The following PTPRU variants were observed in gnomAD, a reference collection of about 807,000 sequenced individuals.
PTPRU encodes the protein receptor-type tyrosine-protein phosphatase U.
PTPRU carries 69 observed loss-of-function variants against 166.3 expected under a neutral mutation model. That is an observed-to-expected ratio of 0.41 (90% CI 0.34 to 0.51). PTPRU has a LOEUF of 0.51. PTPRU is among the 20% of genes least tolerant of loss of function. The pLI is 0.09. For synonymous variants in PTPRU, 793 were observed against 814.0 expected (o/e 0.97, Z 0.44); for missense variants, 1,657 against 2,013.7 (o/e 0.82, Z 3.39).
At chr1:29,250,146 C>T (rs1684485631) in intron 1 of PTPRU, among the ~76,000 whole-genome samples, 1 of 152,166 alleles carries the variant, frequency 6.6e-6, no homozygotes, top group Non-Finnish European at 1.5e-5. Flanking sequence ...TACCTGGCCC[C>T]CTCCCCTGGA....
At chr1:29,252,480 C>CTGGT (rs924735110) in intron 1 of PTPRU, among the ~76,000 whole-genome samples, 20 of 152,156 alleles carry the variant, frequency 1.3e-4, no homozygotes, top group African/African-American at 3.9e-4. Context: ...GTTGGCCAGG[C>CTGGT]TGGTCTTGAA....
Position 29,279,353 on chromosome 1 carries a change from C to A in PTPRU, c.1564-103C>A. 1 of 1,340,190 alleles carries A rather than the reference C, an allele frequency of 7.5e-7. No homozygotes were observed. Among genetic ancestry groups the A allele is most frequent in the Non-Finnish European group, 1.1e-6 (1 of 947,858 alleles). 83.0% of individuals were successfully genotyped at this position (1,340,190 alleles called of 1,614,324 possible). Reference sequence around the variant, plus strand: ...TTGATGGCATCCATAGTCTCCTTTGCTTAGCCTTATCTCTCACTTCCCTGG... The same window carrying A: ...TTGATGGCATCCATAGTCTCCTTTGATTAGCCTTATCTCTCACTTCCCTGG... On this transcript the variant is annotated intron_variant, in intron 9 of 29. Transcript: ENST00000373779. This position sits in a 1 kb window ranked among gnomAD's most constrained non-coding sequence, Gnocchi z 5.2.
chr1:29,240,754 C>G (rs981312459), intron 1 of PTPRU, among the ~76,000 whole-genome samples: 1 of 152,074 alleles, frequency 6.6e-6, no homozygotes, highest in Admixed American at 6.6e-5. Context: ...GTTGGTGAGA[C>G]GTTGAGTCTC....
At chr1:29,310,538 G>A (rs1165257703) in intron 18 of PTPRU, among the ~76,000 whole-genome samples, 2 of 152,128 alleles carry the variant, frequency 1.3e-5, no homozygotes, top group African/African-American at 2.4e-5. Context: ...TTAAGCCCAC[G>A]ACTCTGGTGT....
At chr1:29,309,941 T>G (rs1396282478) in intron 18 of PTPRU, among the ~76,000 whole-genome samples, 2 of 152,162 alleles carry the variant, frequency 1.3e-5, no homozygotes, top group African/African-American at 4.8e-5. Flanking sequence ...GCCCTTGGTA[T>G]CTGGTGAATT....
Position 29,236,538 on chromosome 1 carries a change from G to A in PTPRU, c.-107G>A. The A allele has an allele frequency of 6.9e-6, 6 of 871,994 alleles. No homozygotes were observed. Among genetic ancestry groups the A allele is most frequent in the Non-Finnish European group, 8.6e-6 (6 of 694,266 alleles). 54.0% of individuals were successfully genotyped at this position (871,994 alleles called of 1,614,324 possible). ...CTCGGCGCCAGTCCCGCTCCGCGCC[G>A]CGCCGCTCCGCTCCGGCTCGGGCTC... On this transcript the variant is annotated 5_prime_UTR_variant, in exon 1 of 30. Coordinates refer to ENST00000373779, the MANE Select transcript of PTPRU (RefSeq NM_133178.4). The surrounding 1 kb of genome is among the most constrained non-coding windows in gnomAD (Gnocchi z 4.6).
intron 15 of PTPRU, among the ~76,000 whole-genome samples, chr1:29,299,569 T>C (rs1381480856): frequency 1.3e-5 from 2 of 152,330 alleles, no homozygotes; most frequent in East Asian, 3.9e-4. Flanking sequence ...TGGCTCTGGC[T>C]TTCCAGGCGG....
At position 29,282,960 on chromosome 1, in the gene PTPRU, G is replaced by A. The variant is rs750234312; in HGVS notation, c.2142+11G>A. On this transcript the variant is annotated intron_variant, in intron 12 of 29. Coordinates refer to ENST00000373779, the MANE Select transcript of PTPRU (RefSeq NM_133178.4). ...AGCCACCTGAAGGGGGTGAGGGACCGGCCAGGGTCATGGTGGGCGTGGTTG... is the reference window on the plus strand; with the variant it reads ...AGCCACCTGAAGGGGGTGAGGGACCAGCCAGGGTCATGGTGGGCGTGGTTG... 1.3e-5 allele frequency: 21 copies of A among 1,609,804 alleles called. No individual in the cohort carries two copies. Among genetic ancestry groups the A allele is most frequent in the East Asian group, 9.0e-5 (4 of 44,598 alleles).
intron 1 of PTPRU, among the ~76,000 whole-genome samples, chr1:29,243,879 C>T (rs1338586274): frequency 6.6e-6 from 1 of 152,188 alleles, no homozygotes; most frequent in East Asian, 1.9e-4. Flanking sequence ...ATGCCTCCTC[C>T]TCTGGCTCTG....
chr1:29,295,950 C>T (rs1055353088), intron 15 of PTPRU, among the ~76,000 whole-genome samples: 1 of 152,172 alleles, frequency 6.6e-6, no homozygotes, highest in Non-Finnish European at 1.5e-5. Flanking sequence ...CTTGGCCTCT[C>T]GAAGTGCTGA....
In PTPRU at chr1:29,280,788, A is replaced by G. The variant is rs1420301767; in HGVS notation, c.1868+647A>G. ...AGACATAAGTGTGCATGTGTGTGAGAGTGTGAGGGTGTTTGTGCAACTGTG... is the reference window on the plus strand; with the variant it reads ...AGACATAAGTGTGCATGTGTGTGAGGGTGTGAGGGTGTTTGTGCAACTGTG... On this transcript the variant is annotated intron_variant, in intron 11 of 29. Coordinates refer to ENST00000373779, the MANE Select transcript of PTPRU (RefSeq NM_133178.4). The surrounding 1 kb of genome is among the most constrained non-coding windows in gnomAD (Gnocchi z 4.2). 6.6e-6 allele frequency among the ~76,000 whole-genome samples: 1 copy of G among 151,798 alleles called. No homozygotes were observed. Among genetic ancestry groups the G allele is most frequent in the Non-Finnish European group, 1.5e-5 (1 of 67,942 alleles).
chr1:29,261,521 A>G (rs1685065359), intron 7 of PTPRU, among the ~76,000 whole-genome samples: 1 of 152,026 alleles, frequency 6.6e-6, no homozygotes, highest in African/African-American at 2.4e-5. Context: ...TGACTTTAGT[A>G]TTGTTGTTGT....
intron 25 of PTPRU, among the ~76,000 whole-genome samples, chr1:29,319,655 CA>C (rs1688061556): frequency 1.3e-5 from 2 of 152,186 alleles, no homozygotes; most frequent in Non-Finnish European, 2.9e-5. Context: ...GCTGGGGGAC[CA>C]GGGGGGCTCT....
chr1:29,315,392 G>A lies in PTPRU; in HGVS notation c.3248G>A (p.Gly1083Asp). The A allele has an allele frequency of 9.3e-6, 15 of 1,614,228 alleles. No individual in the cohort carries two copies. Among genetic ancestry groups the A allele is most frequent in the Non-Finnish European group, 1.3e-5 (15 of 1,180,046 alleles). The change falls in exon 23 of 30, where the codon GGT (glycine) becomes GAT (aspartate). Residue 1083 changes from glycine (G) to aspartate (D), a missense_variant. Physicochemically the swap from Gly to Asp is moderately conservative, Grantham distance 94. Transcript: ENST00000373779. This position sits in a 1 kb window ranked among gnomAD's most constrained non-coding sequence, Gnocchi z 4.5. The part of the protein sequence containing the change: ...IHCSAGTGRT[G>D]CYIVLDVMLD... ...TCCAGCGCGGGCACCGGCCGCACAG[G>A]TTGCTATATCGTCCTGGATGTGATG...
chr1:29,320,582 G>A lies in PTPRU; in HGVS notation c.3688-103G>A, dbSNP rs936218581. Reference sequence around the variant, plus strand: ...CAGCCTGGTCCTGTGGGGCACAACCGTCCAACTCAGGGTGGGCAGTGCGGG... The same window carrying A: ...CAGCCTGGTCCTGTGGGGCACAACCATCCAACTCAGGGTGGGCAGTGCGGG... On this transcript the variant is annotated intron_variant, in intron 25 of 29. Coordinates refer to ENST00000373779, the MANE Select transcript of PTPRU (RefSeq NM_133178.4). The surrounding 1 kb of genome is among the most constrained non-coding windows in gnomAD (Gnocchi z 5.2). 9 of 1,333,676 alleles carry A rather than the reference G, an allele frequency of 6.7e-6. No homozygotes were observed. Among genetic ancestry groups the A allele is most frequent in the African/African-American group, 1.5e-5 (1 of 67,510 alleles). The allele number at this position is 1,333,676 out of a possible 1,614,324, so 82.6% of individuals were successfully genotyped here. A position where few individuals can be genotyped will look rare whatever the true frequency, so the allele number is the denominator to read the frequency against.
At chr1:29,323,263 G>T in intron 26 of PTPRU, 108 bp from the exon 27 acceptor site, 3 of 1,417,122 alleles carry the variant, frequency 2.1e-6, no homozygotes, top group Admixed American at 4.4e-5. Flanking sequence ...GTGGGCCAGG[G>T]TTCGTGGGAG....
Position 29,237,810 on chromosome 1 carries a change from G to T in PTPRU, c.73+1093G>T, listed in dbSNP as rs1193304967. ...GGGCCCCAGCGAGGGGCCGGCGGGC[G>T]GGCAGGGGAGGGCCGGACCGGCGGG... On this transcript the variant is annotated intron_variant, in intron 1 of 29. Transcript: ENST00000373779. The surrounding 1 kb of genome is among the most constrained non-coding windows in gnomAD (Gnocchi z 6.4). Among the ~76,000 whole-genome samples the T allele has an allele frequency of 6.8e-6, 1 of 146,154 alleles. No individual in the cohort carries two copies. Among genetic ancestry groups the T allele is most frequent in the Admixed American group, 6.8e-5 (1 of 14,728 alleles).
At chr1:29,318,035 T>G (rs1687982923) in intron 25 of PTPRU, 114 bp downstream of exon 25, 1 of 1,368,200 alleles carries the variant, frequency 7.3e-7, no homozygotes, top group Admixed American at 2.4e-5. Flanking sequence ...CCCTGCCCAT[T>G]CTGGGGAACA....
Position 29,258,663 on chromosome 1 carries a change from C to T in PTPRU, c.364C>T (p.Arg122Cys), listed in dbSNP as rs759619380. The T allele has an allele frequency of 3.7e-6, 6 of 1,614,206 alleles. No homozygotes were observed. Among genetic ancestry groups the T allele is most frequent in the South Asian group, 1.1e-5 (1 of 91,088 alleles). The part of the protein sequence containing the change: ...HSPGTLGVYV[R>C]VNGGPLGSAV... ...CCCGGGCACCCTGGGCGTCTACGTG[C>T]GCGTTAATGGGGGCCCCCTGGGCAG... Residue 122 changes from arginine to cysteine, a missense_variant, in exon 3 of 30, where the codon CGC becomes TGC. Physicochemically the swap from Arg to Cys is radical, Grantham distance 180. Coordinates refer to ENST00000373779, the MANE Select transcript of PTPRU (RefSeq NM_133178.4).
Sources: allele counts gnomAD v4.1 joint callset (sites outside exome capture counted in the v4.1 genomes callset), GRCh38; gene constraint gnomAD v4.1.1; non-coding constraint Gnocchi (gnomAD v3.1); transcripts MANE v1.5; gene names NCBI Gene and HGNC (gene_info 2026-07-23, HGNC 2026-07-21).